Variants in ADAMTS3 observed in about 807,000 individuals in gnomAD.
The protein encoded by ADAMTS3 is ADAM metallopeptidase with thrombospondin type 1 motif 3, also known as A disintegrin and metalloproteinase with thrombospondin motifs 3.
In ADAMTS3, 73 loss-of-function variants were observed where a neutral mutation model predicts 129.0. The observed-to-expected ratio is 0.57, with a 90% CI of 0.47 to 0.69. ADAMTS3 has a LOEUF of 0.69. Ranked by LOEUF, ADAMTS3 falls within the 30% of genes least tolerant of loss-of-function variation. The pLI is 0.00. For synonymous variants in ADAMTS3, 477 were observed against 510.8 expected (o/e 0.93, Z 0.89); for missense variants, 1,457 against 1,514.5 (o/e 0.96, Z 0.63).
intron 17 of ADAMTS3, among the ~76,000 whole-genome samples, chr4:72,302,833 G>T (rs58075970): frequency 6.6e-6 from 1 of 152,136 alleles, no homozygotes; most frequent in African/African-American, 2.4e-5. Context: ...CTTCATAAAT[G>T]ATGGATTCTG....
intron 3 of ADAMTS3, among the ~76,000 whole-genome samples, chr4:72,465,537 A>T (rs1364884544): frequency 6.6e-6 from 1 of 151,980 alleles, no homozygotes; most frequent in East Asian, 1.9e-4. Flanking sequence ...CTCTGACTGT[A>T]CTCATTCATT....
chr4:72,516,878 A>T (rs1578752961), intron 3 of ADAMTS3, among the ~76,000 whole-genome samples: 1 of 152,012 alleles, frequency 6.6e-6, no homozygotes, highest in East Asian at 1.9e-4. Flanking sequence ...ACTCTGTTGA[A>T]TAGGAGTGGT....
At chr4:72,445,791 C>G (rs1027279220) in intron 3 of ADAMTS3, among the ~76,000 whole-genome samples, 2 of 151,628 alleles carry the variant, frequency 1.3e-5, no homozygotes, top group Admixed American at 1.3e-4. Context: ...ATTTTCATGT[C>G]AATCATGGCA....
At chr4:72,316,757 T>C (rs772600324) in intron 10 of ADAMTS3, among the ~76,000 whole-genome samples, 26 of 151,726 alleles carry the variant, frequency 1.7e-4, no homozygotes, top group African/African-American at 2.9e-4. Flanking sequence ...CAGAAAAAAA[T>C]TGTCAAACTT....
At chr4:72,487,698 T>C (rs1719626435) in intron 3 of ADAMTS3, among the ~76,000 whole-genome samples, 1 of 152,098 alleles carries the variant, frequency 6.6e-6, no homozygotes, top group African/African-American at 2.4e-5. Flanking sequence ...ATGTAAAAAT[T>C]AGCATGTGAG....
chr4:72,474,891 G>T (rs1719185356), intron 3 of ADAMTS3, among the ~76,000 whole-genome samples: 1 of 151,418 alleles, frequency 6.6e-6, no homozygotes, highest in Non-Finnish European at 1.5e-5. Flanking sequence ...GCCGGGCGTA[G>T]TGGCGGGTGC....
chr4:72,566,659 C>T (rs181709260), intron 2 of ADAMTS3, among the ~76,000 whole-genome samples: 2 of 152,310 alleles, frequency 1.3e-5, no homozygotes, highest in East Asian at 3.9e-4. Flanking sequence ...TGGCTTCTTG[C>T]CAGATGACTT....
chr4:72,361,928 T>G (rs1020110000), intron 4 of ADAMTS3, among the ~76,000 whole-genome samples: 1 of 152,120 alleles, frequency 6.6e-6, no homozygotes, highest in African/African-American at 2.4e-5. Context: ...CAGACTCATA[T>G]TTCCAGTGTT....
chr4:72,354,618 A>G (rs982166414), intron 4 of ADAMTS3, among the ~76,000 whole-genome samples: 2 of 151,944 alleles, frequency 1.3e-5, no homozygotes, highest in Admixed American at 6.6e-5. Flanking sequence ...TTGATCCTAA[A>G]TTACACATCC....
chr4:72,343,989 T>C (rs1350599741), intron 4 of ADAMTS3, among the ~76,000 whole-genome samples: 1 of 152,194 alleles, frequency 6.6e-6, no homozygotes, highest in Non-Finnish European at 1.5e-5. Context: ...AACATTTTAA[T>C]TGTATCCTTT....
intron 4 of ADAMTS3, among the ~76,000 whole-genome samples, chr4:72,405,449 T>C (rs1722027221): frequency 6.6e-6 from 1 of 152,070 alleles, no homozygotes; most frequent in Non-Finnish European, 1.5e-5. Flanking sequence ...TCAAGTAATA[T>C]TTAAAAAAAA....
At chr4:72,532,552 A>T (rs1203486567) in intron 3 of ADAMTS3, among the ~76,000 whole-genome samples, 1 of 151,946 alleles carries the variant, frequency 6.6e-6, no homozygotes, top group Non-Finnish European at 1.5e-5. Context: ...TCTTTACACT[A>T]GTTAATTATA....
At chr4:72,551,064 C>T (rs1327854500) in intron 2 of ADAMTS3, among the ~76,000 whole-genome samples, 2 of 152,106 alleles carry the variant, frequency 1.3e-5, no homozygotes, top group Admixed American at 6.5e-5. Flanking sequence ...GACACATTAC[C>T]CAGGCCCATG....
chr4:72,435,854 G>A (rs542453400), intron 3 of ADAMTS3, among the ~76,000 whole-genome samples: 65 of 151,782 alleles, frequency 4.3e-4, no homozygotes, highest in Middle Eastern at 6.8e-3. Flanking sequence ...AAATTAATTC[G>A]AAATAGATTA....
chr4:72,362,270 A>T (rs1236979741), intron 4 of ADAMTS3, among the ~76,000 whole-genome samples: 1 of 152,156 alleles, frequency 6.6e-6, no homozygotes, highest in African/African-American at 2.4e-5. Flanking sequence ...TTCCAGAAGC[A>T]ATGAGAAGTC....
intron 3 of ADAMTS3, among the ~76,000 whole-genome samples, chr4:72,453,786 AT>A (rs1221249749): frequency 6.6e-6 from 1 of 151,510 alleles, no homozygotes; most frequent in Admixed American, 6.6e-5. Context: ...GAGACAACTC[AT>A]GGAAATTAAG....
intron 4 of ADAMTS3, among the ~76,000 whole-genome samples, chr4:72,404,977 TAAC>T (rs1272593729): frequency 6.6e-6 from 1 of 151,796 alleles, no homozygotes; most frequent in Non-Finnish European, 1.5e-5. Flanking sequence ...ATCAGGGAAA[TAAC>T]AATCAAAACA....
At chr4:72,399,154 G>C (rs952693766) in intron 4 of ADAMTS3, among the ~76,000 whole-genome samples, 7 of 152,094 alleles carry the variant, frequency 4.6e-5, no homozygotes, top group Admixed American at 3.9e-4. Context: ...TTATTTTTCT[G>C]GCCATGCGTG....
chr4:72,553,208 G>A (rs545401824), intron 2 of ADAMTS3, among the ~76,000 whole-genome samples: 1 of 152,082 alleles, frequency 6.6e-6, no homozygotes, highest in Non-Finnish European at 1.5e-5. Flanking sequence ...TGCTTGGAAA[G>A]CTTGTGTATA....
Sources: allele counts gnomAD v4.1 joint callset (sites outside exome capture counted in the v4.1 genomes callset), GRCh38; gene constraint gnomAD v4.1.1; transcripts MANE v1.5; gene names NCBI Gene and HGNC (gene_info 2026-07-23, HGNC 2026-07-21).